The following ALG1 variants were observed in gnomAD, a reference collection of about 807,000 sequenced individuals.
The protein encoded by ALG1 is chitobiosyldiphosphodolichol beta-mannosyltransferase.
In ALG1, 58 loss-of-function variants were observed where a neutral mutation model predicts 55.1. That is an observed-to-expected ratio of 1.05 (90% CI 0.85 to 1.31). The LOEUF (loss-of-function observed/expected upper bound fraction) is 1.31. Ranked by LOEUF, ALG1 falls within the 50% of genes most tolerant of loss-of-function variation. The pLI, the probability that ALG1 is intolerant of heterozygous loss-of-function variation, is 0.00. For synonymous variants in ALG1, 309 were observed against 247.0 expected (o/e 1.25, Z -2.35); for missense variants, 761 against 598.6 (o/e 1.27, Z -2.83).
intron 10 of ALG1, among the ~76,000 whole-genome samples, chr16:5,081,486 C>T (rs28372603): frequency 0.014 from 2,129 of 152,348 alleles, 14 homozygotes; most frequent in South Asian, 0.029. Context: ...TGCCTTGGTC[C>T]TGATGCGTCT....
rs750048590 is a variant in ALG1, at chr16:5,072,913, G to A, written c.209-38G>A. Reference sequence around the variant, plus strand: ...GGAGATTATCTGACTTTAGATTGCTGCTTCTGGTACATTAAAGGGATCATT... The same window carrying A: ...GGAGATTATCTGACTTTAGATTGCTACTTCTGGTACATTAAAGGGATCATT... On this transcript the variant is annotated intron_variant, in intron 1 of 12. Coordinates refer to ENST00000262374, the MANE Select transcript of ALG1 (RefSeq NM_019109.5). 12 of 1,576,458 alleles carry A rather than the reference G, an allele frequency of 7.6e-6. No individual in the cohort carries two copies. The South Asian group carries it at 7.8e-5, about 10-fold the overall frequency.
chr16:5,084,714 G>A (rs766858717), intron 12 of ALG1, 36 bp from the exon 13 acceptor site: 2 of 1,596,136 alleles, frequency 1.3e-6, no homozygotes, highest in South Asian at 1.1e-5. Context: ...GTGGGGACAG[G>A]CAATGAGGTA....
chr16:5,075,408 C>T lies in ALG1; in HGVS notation c.411C>T (p.Ser137=), dbSNP rs1260024440. The change falls in exon 4 of 13, where the codon AGC becomes AGT. Residue 137 remains serine, a synonymous_variant. Coordinates refer to ENST00000262374, the MANE Select transcript of ALG1 (RefSeq NM_019109.5). ...IFLQNPPGLP[S]IAVCWFVGCL... ...CCTAGAACCCCCCAGGTCTGCCTAG[C>T]ATTGCTGTCTGCTGGTTCGTGGGCT... 2.5e-6 allele frequency: 4 copies of T among 1,614,094 alleles called. No individual in the cohort carries two copies. The South Asian group carries it at 4.4e-5, about 18-fold the overall frequency.
intron 10 of ALG1, among the ~76,000 whole-genome samples, chr16:5,082,003 T>C (rs1957024857): frequency 6.6e-6 from 1 of 151,912 alleles, no homozygotes; most frequent in Non-Finnish European, 1.5e-5. Context: ...AGTGCAATGG[T>C]GTGATCTTGG....
In ALG1 at chr16:5,081,098, C is replaced by T. The variant is rs2080173; in HGVS notation, c.1072+42C>T. 7.5e-6 allele frequency: 10 copies of T among 1,337,644 alleles called. No individual in the cohort carries two copies. The South Asian group carries it at 1.4e-4, about 19-fold the overall frequency. 82.9% of individuals were successfully genotyped at this position (1,337,644 alleles called of 1,614,324 possible). The stretch of plus-strand genomic sequence containing the variant: ...AGGCTCAGGGAGGAGGCGGGGGGAA[C>T]AGGGTGGGCGGGATGTACTTTTTCT... On this transcript the variant is annotated intron_variant, in intron 10 of 12. Transcript: ENST00000262374.
At position 5,079,119 on chromosome 16, in the gene ALG1, G is replaced by C; in HGVS notation, c.901+17G>C. ...CTTTAGAAAGTAGGTGTGTGGCTGC[G>C]GTGAGGAGCTCTGGGCTTGTCGGGG... On this transcript the variant is annotated intron_variant, in intron 8 of 12. Coordinates refer to ENST00000262374, the MANE Select transcript of ALG1 (RefSeq NM_019109.5). 1 of 1,595,424 alleles carries C rather than the reference G, an allele frequency of 6.3e-7. No individual in the cohort carries two copies. The highest frequency in any genetic ancestry group is 1.1e-5 in the South Asian group (1 of 90,732).
intron 10 of ALG1, among the ~76,000 whole-genome samples, chr16:5,081,656 T>G (rs886425595): frequency 2.6e-5 from 4 of 152,146 alleles, no homozygotes; most frequent in African/African-American, 7.2e-5. Flanking sequence ...CCTCCTGGGT[T>G]CAAGCGATTT....
Position 5,084,820 on chromosome 16 carries a change from A to G in ALG1, c.1334A>G (p.Gln445Arg). Residue 445 changes from glutamine to arginine, a missense_variant, in exon 13 of 13, where the codon CAG becomes CGG. Transcript: ENST00000262374. Reference sequence around the variant, plus strand: ...TTCCGGAAGAACCTGCGGGAGTCGCAGCAGCTCCGATGGGATGAGAGCTGG... The same window carrying G: ...TTCCGGAAGAACCTGCGGGAGTCGCGGCAGCTCCGATGGGATGAGAGCTGG... The part of the protein sequence containing the change: ...NQFRKNLRES[Q>R]QLRWDESWVQ... The G allele has an allele frequency of 6.3e-7, 1 of 1,596,482 alleles. No homozygotes were observed. Among genetic ancestry groups the G allele is most frequent in the Non-Finnish European group, 8.5e-7 (1 of 1,179,778 alleles).
In ALG1 at chr16:5,078,142, G is replaced by C. The variant is rs1340143408; in HGVS notation, c.740+125G>C. ...GCAAACTAAGGCTACAGGCCAGTCTGCTGCTTTTGTAAATCAAGTTTCACT... is the reference window on the plus strand; with the variant it reads ...GCAAACTAAGGCTACAGGCCAGTCTCCTGCTTTTGTAAATCAAGTTTCACT... On this transcript the variant is annotated intron_variant, in intron 6 of 12. Transcript: ENST00000262374. 7.4e-6 allele frequency: 8 copies of C among 1,079,568 alleles called. No homozygotes were observed. In the African/African-American group the frequency reaches 1.3e-4, roughly 17 times the overall value. The allele number at this position is 1,079,568 out of a possible 1,614,324, so 66.9% of individuals were successfully genotyped here. A position where few individuals can be genotyped will look rare whatever the true frequency, so the allele number is the denominator to read the frequency against.
At position 5,085,427 on chromosome 16, in the gene ALG1, G is replaced by A. The variant is rs976303888; in HGVS notation, c.*546G>A. ...GTCTGATTTATGGTGATTTTCTTAA[G>A]AACCAGAACTGCTGGCAGAAAGGGG... On this transcript the variant is annotated 3_prime_UTR_variant, in exon 13 of 13. Coordinates refer to ENST00000262374, the MANE Select transcript of ALG1 (RefSeq NM_019109.5). 1.2e-4 allele frequency: 68 copies of A among 585,432 alleles called. No individual in the cohort carries two copies. Among genetic ancestry groups the A allele is most frequent in the Non-Finnish European group, 1.8e-4 (58 of 319,050 alleles). 36.3% of individuals were successfully genotyped at this position (585,432 alleles called of 1,614,324 possible).
chr16:5,072,065 G>T lies in ALG1; in HGVS notation c.208+8G>T. The T allele has an allele frequency of 6.6e-7, 1 of 1,526,624 alleles. No homozygotes were observed. The highest frequency in any genetic ancestry group is 2.5e-5 in the East Asian group (1 of 40,338). 94.6% of individuals were successfully genotyped at this position (1,526,624 alleles called of 1,614,324 possible). On this transcript the variant is annotated splice_region_variant and intron_variant, in intron 1 of 12. Coordinates refer to ENST00000262374, the MANE Select transcript of ALG1 (RefSeq NM_019109.5). ...CCCTCCTGGGGTTCTGCAGTGAGTG[G>T]CCAAGGGTCTGGGAGGGACGATGCT...
At chr16:5,079,692 A>T in intron 8 of ALG1, 56 bp from the exon 9 acceptor site, 2 of 1,600,512 alleles carry the variant, frequency 1.2e-6, no homozygotes, top group Non-Finnish European at 1.7e-6. Flanking sequence ...CTGTCAGAAA[A>T]AAAAAAAAAT....
chr16:5,076,796 T>C (rs1357260422), intron 4 of ALG1, among the ~76,000 whole-genome samples: 1 of 146,202 alleles, frequency 6.8e-6, no homozygotes, highest in East Asian at 2.0e-4. Flanking sequence ...TTCTTCCTTT[T>C]TTTTTTTTTT....
intron 2 of ALG1, 36 bp from the exon 3 acceptor site, chr16:5,073,117 C>G (rs894052350): frequency 6.2e-7 from 1 of 1,612,746 alleles, no homozygotes; most frequent in African/African-American, 1.3e-5. Flanking sequence ...TTGCCAGACG[C>G]TCCTTTGGTA....
intron 10 of ALG1, among the ~76,000 whole-genome samples, chr16:5,082,171 C>G (rs974878713): frequency 2.6e-5 from 4 of 152,130 alleles, no homozygotes; most frequent in Non-Finnish European, 5.9e-5. Flanking sequence ...TCTTGAACTC[C>G]TGACCTCAGG....
At chr16:5,083,219 G>T (rs1228818991) in intron 11 of ALG1, among the ~76,000 whole-genome samples, 1 of 152,122 alleles carries the variant, frequency 6.6e-6, no homozygotes, top group Non-Finnish European at 1.5e-5. Context: ...TTGAGCCCTT[G>T]GCCCCTGCTC....
rs756830715 is a variant in ALG1, at chr16:5,072,074, C to CTGTA, written c.208+19_208+20insTATG. On this transcript the variant is annotated intron_variant, in intron 1 of 12. Transcript: ENST00000262374. ...GGTTCTGCAGTGAGTGGCCAAGGGT[C>CTGTA]TGGGAGGGACGATGCTCTCTCAGCC... 5 of 1,558,274 alleles carry CTGTA rather than the reference C, an allele frequency of 3.2e-6. No homozygotes were observed. The South Asian group carries it at 5.9e-5, about 18-fold the overall frequency.
At chr16:5,076,704 C>T (rs1016123091) in intron 4 of ALG1, among the ~76,000 whole-genome samples, 5 of 152,056 alleles carry the variant, frequency 3.3e-5, no homozygotes, top group Non-Finnish European at 2.9e-5. Context: ...CTTTGCCCCA[C>T]GTTGAGAGCA....
chr16:5,075,434 G>T lies in ALG1; in HGVS notation c.437G>T (p.Cys146Phe). ...PSIAVCWFVG[C>F]LCGSKLVIDW... ...ATTGCTGTCTGCTGGTTCGTGGGCT[G>T]CCTTTGTGGAAGCAAGCTCGTCATT... Residue 146 changes from cysteine (C) to phenylalanine (F), a missense_variant, in exon 4 of 13, where the codon TGC (cysteine) becomes TTC (phenylalanine). Coordinates refer to ENST00000262374, the MANE Select transcript of ALG1 (RefSeq NM_019109.5). The T allele has an allele frequency of 6.2e-7, 1 of 1,614,158 alleles. No homozygotes were observed. Among genetic ancestry groups the T allele is most frequent in the Non-Finnish European group, 8.5e-7 (1 of 1,180,042 alleles).
Sources: allele counts gnomAD v4.1 joint callset (sites outside exome capture counted in the v4.1 genomes callset), GRCh38; gene constraint gnomAD v4.1.1; transcripts MANE v1.5; gene names NCBI Gene and HGNC (gene_info 2026-07-23, HGNC 2026-07-21).